Variants in PGAP1 observed in about 807,000 individuals in gnomAD.
PGAP1 encodes GPI inositol-deacylase.
In PGAP1, 76 loss-of-function variants were observed where a neutral mutation model predicts 127.0. That is an observed-to-expected ratio of 0.60 (90% CI 0.50 to 0.72). The LOEUF is 0.72. Among genes scored for constraint, PGAP1 ranks in the 30% least tolerant of loss-of-function variants. The pLI, the probability that PGAP1 is intolerant of heterozygous loss-of-function variation, is 0.00. For missense variants in PGAP1, 982 were observed against 1,071.3 expected, an observed-to-expected ratio of 0.92 and a Z score of 1.16; for synonymous variants, 362 against 366.5, an observed-to-expected ratio of 0.99 and a Z score of 0.14.
At chr2:196,923,307 T>G (rs1703266969) in intron 1 of PGAP1, among the ~76,000 whole-genome samples, 2 of 152,226 alleles carry the variant, frequency 1.3e-5, no homozygotes, top group East Asian at 3.8e-4. Context: ...GCCTGCAATG[T>G]TCTTTCAGTA....
At chr2:196,864,731 C>T (rs940611337) in intron 20 of PGAP1, among the ~76,000 whole-genome samples, 5 of 151,916 alleles carry the variant, frequency 3.3e-5, no homozygotes, top group African/African-American at 9.7e-5. Flanking sequence ...ATAGTGGAAA[C>T]GTAATAAAGA....
At chr2:196,917,794 A>C (rs988529846) in intron 2 of PGAP1, among the ~76,000 whole-genome samples, 1 of 152,162 alleles carries the variant, frequency 6.6e-6, no homozygotes, top group African/African-American at 2.4e-5. Context: ...GCTGCTATGA[A>C]CATTTATATA....
rs1286135593 is a variant in PGAP1 at position 196,833,089 on chromosome 2, T to TTAA, written c.*8142_*8144dup. 6.6e-6 allele frequency: 1 copy of TTAA among 152,534 alleles called. No homozygotes were observed. The highest frequency in any genetic ancestry group is 6.6e-5 in the Admixed American group (1 of 15,266). 9.4% of individuals were successfully genotyped at this position (152,534 alleles called of 1,614,324 possible). A position where few individuals can be genotyped will look rare whatever the true frequency, so the allele number is the denominator to read the frequency against. ...AGAAAGCACCAAAAATTACTACACATTAATACCTGAGCAGAGACTGAAGGC... is the reference window on the plus strand; with the variant it reads ...AGAAAGCACCAAAAATTACTACACATTAATAATACCTGAGCAGAGACTGAAGGC... On this transcript the variant is annotated 3_prime_UTR_variant, in exon 27 of 27. Coordinates refer to ENST00000354764, the MANE Select transcript of PGAP1 (RefSeq NM_024989.4).
chr2:196,905,730 G>A (rs1336008658), intron 4 of PGAP1, among the ~76,000 whole-genome samples: 1 of 148,612 alleles, frequency 6.7e-6, no homozygotes, highest in African/African-American at 2.5e-5. Flanking sequence ...GTGGGCGCAG[G>A]CCAGTGTGTG....
At chr2:196,846,265 A>G (rs1411676180) in intron 22 of PGAP1, among the ~76,000 whole-genome samples, 1 of 152,164 alleles carries the variant, frequency 6.6e-6, no homozygotes, top group Non-Finnish European at 1.5e-5. Context: ...CTACAGGTGA[A>G]AAAATGTTAC....
In PGAP1 at chr2:196,838,369, A is replaced by C. The variant is rs528223995; in HGVS notation, c.*2865T>G. On this transcript the variant is annotated 3_prime_UTR_variant, in exon 27 of 27. Transcript: ENST00000354764. ...GGGCAGTGCTGTTTAACCAGCCAAT[A>C]ATATAGATTGTGGGCATGATGAAAA... The C allele has an allele frequency of 2.6e-5, 4 of 152,324 alleles. No homozygotes were observed. Among genetic ancestry groups the C allele is most frequent in the African/African-American group, 9.6e-5 (4 of 41,572 alleles). 9.4% of individuals were successfully genotyped at this position (152,324 alleles called of 1,614,324 possible). A position where few individuals can be genotyped will look rare whatever the true frequency, so the allele number is the denominator to read the frequency against.
In PGAP1 at chr2:196,844,041, G is replaced by A. The variant is rs750489381; in HGVS notation, c.2372C>T (p.Ser791Phe). 5.0e-6 allele frequency: 8 copies of A among 1,595,276 alleles called. No homozygotes were observed. The Admixed American group carries it at 1.2e-4, about 24-fold the overall frequency. The change falls in exon 25 of 27, where the codon TCC becomes TTC. Residue 791 changes from serine to phenylalanine, a missense_variant. Ser to Phe is a radical substitution (Grantham distance 155, BLOSUM62 -2). Coordinates refer to ENST00000354764, the MANE Select transcript of PGAP1 (RefSeq NM_024989.4). ...TATTGAGGAGTCTTTATGATGATTG[G>A]ATTTCTTTTCACTTCTTCTAGAGTG... ...PKHSRRSEKK[S>F]NHHKDSSIHH...
At chr2:196,887,020 G>A (rs1359979362) in intron 10 of PGAP1, among the ~76,000 whole-genome samples, 4 of 152,152 alleles carry the variant, frequency 2.6e-5, no homozygotes, top group Non-Finnish European at 1.5e-5. Context: ...AATTCCAAGG[G>A]CTCCAGACTA....
chr2:196,867,712 T>A (rs1304759841), intron 19 of PGAP1, among the ~76,000 whole-genome samples: 1 of 152,206 alleles, frequency 6.6e-6, no homozygotes, highest in Admixed American at 6.5e-5. Flanking sequence ...AGAATTTTTT[T>A]AGAACATGTA....
At chr2:196,885,906 A>C in intron 10 of PGAP1, 26 bp from the exon 11 acceptor site, 1 of 1,358,772 alleles carries the variant, frequency 7.4e-7, no homozygotes, top group Non-Finnish European at 9.6e-7. Context: ...ACAAAACAAA[A>C]CACACTAAGT....
At chr2:196,926,136 G>C (rs986299416) in intron 1 of PGAP1, among the ~76,000 whole-genome samples, 1 of 152,144 alleles carries the variant, frequency 6.6e-6, no homozygotes, top group Non-Finnish European at 1.5e-5. Flanking sequence ...CTGGGCATGA[G>C]GGGGGCTGGG....
chr2:196,887,149 C>A (rs941201322), intron 10 of PGAP1, among the ~76,000 whole-genome samples: 10 of 151,958 alleles, frequency 6.6e-5, no homozygotes, highest in African/African-American at 2.4e-4. Flanking sequence ...CTGTGGGAGG[C>A]CAAGGCAGGC....
In PGAP1 at chr2:196,886,307, CCCA is replaced by C; in HGVS notation, c.1174-430_1174-428del. ...TCCCAAGTAGCTGGGATTACAGGTA[CCCA>C]CCACCATGCCCGGCTAATTTTTGTA... On this transcript the variant is annotated intron_variant, in intron 10 of 26. Coordinates refer to ENST00000354764, the MANE Select transcript of PGAP1 (RefSeq NM_024989.4). Among the ~76,000 whole-genome samples the C allele has an allele frequency of 2.0e-5, 3 of 151,426 alleles. No individual in the cohort carries two copies. The East Asian group carries it at 5.9e-4, about 30-fold the overall frequency.
intron 13 of PGAP1, among the ~76,000 whole-genome samples, chr2:196,879,073 T>C (rs954045105): frequency 6.6e-6 from 1 of 152,156 alleles, no homozygotes; most frequent in Non-Finnish European, 1.5e-5. Context: ...TTATTTTATT[T>C]CATTTTAAAA....
intron 4 of PGAP1, among the ~76,000 whole-genome samples, chr2:196,903,859 T>C (rs971003757): frequency 6.6e-6 from 1 of 152,196 alleles, no homozygotes; most frequent in African/African-American, 2.4e-5. Flanking sequence ...TCTCAATTCT[T>C]TTTGTGATTA....
In PGAP1 at chr2:196,912,580, T is replaced by TAA. The variant is rs531959600; in HGVS notation, c.649+300_649+301dup. ...GGGAGAAAGAGCAAGACCCTGTCTT[T>TAA]AAAAAAAAAAAAAAAAAAAAAAAAA... On this transcript the variant is annotated intron_variant, in intron 4 of 26. Coordinates refer to ENST00000354764, the MANE Select transcript of PGAP1 (RefSeq NM_024989.4). Among the ~76,000 whole-genome samples the TAA allele has an allele frequency of 1.8e-3, 149 of 82,464 alleles. 2 individuals are homozygous for TAA. Among genetic ancestry groups the TAA allele is most frequent in the East Asian group, 0.012 (33 of 2,664 alleles). 54.1% of individuals were successfully genotyped at this position (82,464 alleles called of 152,430 possible).
chr2:196,848,966 T>A (rs1328886399), intron 20 of PGAP1, among the ~76,000 whole-genome samples: 1 of 152,186 alleles, frequency 6.6e-6, no homozygotes, highest in Non-Finnish European at 1.5e-5. Context: ...TCATTAAAAC[T>A]TATTATTTGT....
chr2:196,896,434 T>C lies in PGAP1; in HGVS notation c.927+697A>G, dbSNP rs147138538. ...GAATTTGAGTCCAGACTGGGCAACA[T>C]AGTGAGAACTTATCTCTCAAAAAGA... On this transcript the variant is annotated intron_variant, in intron 7 of 26. Coordinates refer to ENST00000354764, the MANE Select transcript of PGAP1 (RefSeq NM_024989.4). Among the ~76,000 whole-genome samples the C allele has an allele frequency of 1.1e-3, 166 of 152,206 alleles. No homozygotes were observed. The East Asian group carries it at 0.019, about 18-fold the overall frequency.
chr2:196,905,658 A>G (rs1246690765), intron 4 of PGAP1, among the ~76,000 whole-genome samples: 1 of 151,800 alleles, frequency 6.6e-6, no homozygotes, highest in East Asian at 1.9e-4. Context: ...GACGCAGAAG[A>G]CGGGTGATTT....
Sources: gnomAD v4.1 joint callset for allele counts (sites outside exome capture counted in the v4.1 genomes callset) on GRCh38, gnomAD v4.1.1 for gene constraint, MANE v1.5 for transcripts, NCBI Gene and HGNC (gene_info 2026-07-23, HGNC 2026-07-21) for gene names.